IL34: variants seen among roughly 807,000 people sequenced by gnomAD.
The protein encoded by IL34 is interleukin-34.
Under a neutral mutation model 25.3 loss-of-function variants are expected in IL34, and 17 were observed. The observed-to-expected ratio is 0.67, with a 90% CI of 0.46 to 1.01. IL34 has a LOEUF of 1.01. Ranked by LOEUF, IL34 falls within the 50% of genes least tolerant of loss-of-function variation. The pLI is 0.00. For synonymous variants in IL34, 174 were observed against 140.9 expected (o/e 1.23, Z -1.66); for missense variants, 368 against 312.9 (o/e 1.18, Z -1.33).
intron 1 of IL34, among the ~76,000 whole-genome samples, chr16:70,591,057 G>T (rs2050748765): frequency 6.6e-6 from 1 of 152,248 alleles, no homozygotes; most frequent in Non-Finnish European, 1.5e-5. Flanking sequence ...TGGGGACCAT[G>T]CCAAGCGAGA....
chr16:70,629,126 T>C (rs1567452762), intron 1 of IL34, among the ~76,000 whole-genome samples: 1 of 152,188 alleles, frequency 6.6e-6, no homozygotes, highest in Non-Finnish European at 1.5e-5. Context: ...TGTTCTAGAT[T>C]TATAATCATC....
intron 1 of IL34, among the ~76,000 whole-genome samples, chr16:70,592,153 C>T (rs1245666386): frequency 6.6e-6 from 1 of 151,288 alleles, no homozygotes; most frequent in African/African-American, 2.4e-5. Flanking sequence ...CTCCTCCTGG[C>T]TTCCCAGGCC....
At chr16:70,616,366 T>C (rs1311937094) in intron 1 of IL34, among the ~76,000 whole-genome samples, 1 of 152,216 alleles carries the variant, frequency 6.6e-6, no homozygotes, top group Non-Finnish European at 1.5e-5. Flanking sequence ...ATTTATATCA[T>C]TGGATTTTTA....
At chr16:70,598,388 GC>G (rs911853251) in intron 1 of IL34, among the ~76,000 whole-genome samples, 8 of 151,992 alleles carry the variant, frequency 5.3e-5, no homozygotes, top group African/African-American at 1.5e-4. Flanking sequence ...CTCAGGCCGC[GC>G]CCCTGCTCAA....
At chr16:70,634,089 G>T (rs983133171) in intron 1 of IL34, among the ~76,000 whole-genome samples, 5 of 152,084 alleles carry the variant, frequency 3.3e-5, no homozygotes, top group Non-Finnish European at 7.4e-5. Flanking sequence ...GACCTCAAGT[G>T]ATCTGCCCGC....
At position 70,659,939 on chromosome 16, in the gene IL34, G is replaced by C. The variant is rs533578139; in HGVS notation, c.539-58G>C. 3 of 1,512,090 alleles carry C rather than the reference G, an allele frequency of 2.0e-6. No individual in the cohort carries two copies. The Admixed American group carries it at 6.3e-5, about 32-fold the overall frequency. 93.7% of individuals were successfully genotyped at this position (1,512,090 alleles called of 1,614,324 possible). A position where few individuals can be genotyped will look rare whatever the true frequency, so the allele number is the denominator to read the frequency against. ...ACAAGCACATGCGGCTTGGCTTAGTGGGGAGGGTGGTCTTGAACACTGCTG... is the reference window on the plus strand; with the variant it reads ...ACAAGCACATGCGGCTTGGCTTAGTCGGGAGGGTGGTCTTGAACACTGCTG... On this transcript the variant is annotated intron_variant, in intron 5 of 5. Coordinates refer to ENST00000288098, the MANE Select transcript of IL34 (RefSeq NM_001393494.1).
In IL34 at chr16:70,660,455, C is replaced by T. The variant is rs958832613; in HGVS notation, c.*268C>T. ...GCTCCTGGCTTCTCCTGGTGCTGCC[C>T]TCACTGTCCCCCCGCCTAAAGGGGG... On this transcript the variant is annotated 3_prime_UTR_variant, in exon 6 of 6. Coordinates refer to ENST00000288098, the MANE Select transcript of IL34 (RefSeq NM_001393494.1). 3 of 395,922 alleles carry T rather than the reference C, an allele frequency of 7.6e-6. No individual in the cohort carries two copies. The highest frequency in any genetic ancestry group is 1.3e-5 in the Non-Finnish European group (3 of 223,216). 24.5% of individuals were successfully genotyped at this position (395,922 alleles called of 1,614,324 possible).
intron 1 of IL34, among the ~76,000 whole-genome samples, chr16:70,581,100 C>CG (rs1235988194): frequency 2.6e-5 from 4 of 151,968 alleles, no homozygotes; most frequent in African/African-American, 9.7e-5. Flanking sequence ...TTAGTAGAGA[C>CG]GGGCTTTCAC....
chr16:70,604,703 C>T (rs558815302), intron 1 of IL34, among the ~76,000 whole-genome samples: 2 of 152,178 alleles, frequency 1.3e-5, no homozygotes, highest in Non-Finnish European at 2.9e-5. Context: ...TGTCAGGAGA[C>T]AGAAAGGAGT....
In IL34 at chr16:70,656,667, C is replaced by T. The variant is rs754950146; in HGVS notation, c.228C>T (p.Asn76=). 32 of 1,377,376 alleles carry T rather than the reference C, an allele frequency of 2.3e-5. No individual in the cohort carries two copies. The highest frequency in any genetic ancestry group is 5.7e-5 in the African/African-American group (4 of 70,388). The allele number at this position is 1,377,376 out of a possible 1,614,324, so 85.3% of individuals were successfully genotyped here. The part of the protein sequence containing the change: ...VPYEGVFRIA[N]VTRLQRAQVS... ...ACGAGGGGGTGTTCAGAATCGCCAA[C>T]GTCACCAGGCTGGTGAGAATCCCTT... Residue 76 remains asparagine, a synonymous_variant, in exon 3 of 6, where the codon AAC becomes AAT. Coordinates refer to ENST00000288098, the MANE Select transcript of IL34 (RefSeq NM_001393494.1).
chr16:70,657,771 C>G (rs950510513), intron 4 of IL34, among the ~76,000 whole-genome samples: 1 of 152,116 alleles, frequency 6.6e-6, no homozygotes, highest in African/African-American at 2.4e-5. Context: ...ACGAAAAACT[C>G]CATCTCAAAA....
At chr16:70,642,629 A>C (rs895744516), upstream of IL34, among the ~76,000 whole-genome samples, 8 of 152,084 alleles carry the variant, frequency 5.3e-5, no homozygotes, top group Non-Finnish European at 1.0e-4. Flanking sequence ...TTATCCCACC[A>C]TAAGGACCCC....
intron 1 of IL34, among the ~76,000 whole-genome samples, chr16:70,593,380 C>G (rs2050779064): frequency 6.6e-6 from 1 of 152,062 alleles, no homozygotes; most frequent in South Asian, 2.1e-4. Context: ...AGATTTTCTT[C>G]CTATGTTATC....
intron 4 of IL34, among the ~76,000 whole-genome samples, chr16:70,658,826 C>A (rs1167304213): frequency 6.6e-6 from 1 of 152,190 alleles, no homozygotes; most frequent in Non-Finnish European, 1.5e-5. Context: ...CTTTCTCTTA[C>A]AAGGACATCA....
At chr16:70,595,777 C>T (rs998554589) in intron 1 of IL34, among the ~76,000 whole-genome samples, 12 of 151,632 alleles carry the variant, frequency 7.9e-5, no homozygotes, top group African/African-American at 2.4e-4. Context: ...TTTGGGAGGC[C>T]GAGACAGATG....
intron 1 of IL34, among the ~76,000 whole-genome samples, chr16:70,649,793 A>ATTTGAT (rs2052033639): frequency 6.7e-6 from 1 of 149,836 alleles, no homozygotes; most frequent in South Asian, 2.1e-4. Context: ...TTGTTTTATT[A>ATTTGAT]TTTTATTTTT....
chr16:70,599,462 T>G (rs1307950645), intron 1 of IL34, among the ~76,000 whole-genome samples: 1 of 151,850 alleles, frequency 6.6e-6, no homozygotes, highest in African/African-American at 2.4e-5. Context: ...GTTCAAGCGA[T>G]TCTCCTGCCT....
intron 1 of IL34, among the ~76,000 whole-genome samples, chr16:70,622,695 CA>C (rs1354775797): frequency 6.6e-6 from 1 of 151,888 alleles, no homozygotes; most frequent in African/African-American, 2.4e-5. Context: ...AAGTCCGGGC[CA>C]GGAACAATGG....
upstream of IL34, among the ~76,000 whole-genome samples, chr16:70,643,156 G>C (rs564456398): frequency 9.4e-4 from 142 of 151,184 alleles, no homozygotes; most frequent in South Asian, 3.8e-3. Context: ...TCTGCCTCCC[G>C]GGTTCAAGTG....
Sources: allele counts gnomAD v4.1 joint callset (sites outside exome capture counted in the v4.1 genomes callset), GRCh38; gene constraint gnomAD v4.1.1; transcripts MANE v1.5; gene names NCBI Gene and HGNC (gene_info 2026-07-23, HGNC 2026-07-21).